The following ERBIN variants were observed in gnomAD, a reference collection of about 807,000 sequenced individuals.
ERBIN encodes densin-180-like protein.
A neutral mutation model predicts 158.4 loss-of-function variants in ERBIN; 60 were observed. That is an observed-to-expected ratio of 0.38 (90% CI 0.31 to 0.47). The LOEUF is 0.47. Ranked by LOEUF, ERBIN falls within the 20% of genes least tolerant of loss-of-function variation. ERBIN has a pLI of 0.99. For missense variants in ERBIN, 1,610 were observed against 1,648.0 expected (o/e 0.98, Z 0.40); for synonymous variants, 594 against 557.2 (o/e 1.07, Z -0.93).
intron 1 of ERBIN, among the ~76,000 whole-genome samples, chr5:65,986,228 C>G (rs1751217256): frequency 6.6e-6 from 1 of 152,212 alleles, no homozygotes; most frequent in Non-Finnish European, 1.5e-5. Flanking sequence ...TACTCAGTGT[C>G]CTACTCAGAT....
chr5:65,983,997 G>C lies in ERBIN; in HGVS notation c.-57-4638G>C, dbSNP rs61730943. ...CCCGGGAACCACTGTCCCCCAGCCA[G>C]CTGCCCTTCTCCCACCTGCTTCCCG... On this transcript the variant is annotated intron_variant, in intron 1 of 25. Coordinates refer to ENST00000284037, the MANE Select transcript of ERBIN (RefSeq NM_001253697.2). Among the ~76,000 whole-genome samples the C allele has an allele frequency of 1.2e-3, 182 of 152,314 alleles. 1 individual carries two copies. The highest frequency in any genetic ancestry group is 4.4e-3 in the African/African-American group (181 of 41,586).
At chr5:65,977,562 G>A (rs1289695486) in intron 1 of ERBIN, among the ~76,000 whole-genome samples, 1 of 151,298 alleles carries the variant, frequency 6.6e-6, no homozygotes, top group Non-Finnish European at 1.5e-5. Context: ...GACGATGGGC[G>A]GCCGGGCAGA....
In ERBIN at chr5:65,979,920, CAT is replaced by C. The variant is rs1750465443; in HGVS notation, c.-57-8713_-57-8712del. Among the ~76,000 whole-genome samples, 3 of 152,138 alleles carry C rather than the reference CAT, an allele frequency of 2.0e-5. No homozygotes were observed. In the South Asian group the frequency reaches 6.2e-4, roughly 31 times the overall value. ...CACAAAAGTTGGAAGTAAATATACA[CAT>C]ACTCTTTTATAGTACTTAGGTTATA... is the stretch of plus-strand genomic sequence containing the variant. On this transcript the variant is annotated intron_variant, in intron 1 of 25. Transcript: ENST00000284037.
intron 4 of ERBIN, among the ~76,000 whole-genome samples, chr5:66,001,828 G>C (rs1431678624): frequency 6.6e-6 from 1 of 151,762 alleles, no homozygotes; most frequent in Non-Finnish European, 1.5e-5. Context: ...TTAAGTTCTG[G>C]GATACATGTG....
Position 66,075,109 on chromosome 5 carries a change from T to C in ERBIN, c.3842T>C (p.Val1281Ala). ...SQIHHPPQAS[V>A]ARHPSREQLI... ...ATACATCACCCCCCTCAGGCATCTG[T>C]GGCAAGGCATCCCTCTAGAGAACAA... The change falls in exon 23 of 26, where the codon GTG becomes GCG. Residue 1281 changes from valine (V) to alanine (A), a missense_variant. Coordinates refer to ENST00000284037, the MANE Select transcript of ERBIN (RefSeq NM_001253697.2). The C allele has an allele frequency of 6.2e-7, 1 of 1,614,176 alleles. No individual in the cohort carries two copies. Among genetic ancestry groups the C allele is most frequent in the Non-Finnish European group, 8.5e-7 (1 of 1,180,012 alleles).
At chr5:65,997,526 T>C (rs1170648093) in intron 4 of ERBIN, among the ~76,000 whole-genome samples, 1 of 152,200 alleles carries the variant, frequency 6.6e-6, no homozygotes, top group East Asian at 1.9e-4. Context: ...AAATCAGCCC[T>C]TGAAATTTTT....
At position 66,025,492 on chromosome 5, in the gene ERBIN, A is replaced by C. The variant is rs74362544; in HGVS notation, c.830A>C (p.Asn277Thr). The C allele has an allele frequency of 2.8e-4, 457 of 1,611,868 alleles. 3 individuals carry two copies. The African/African-American group carries it at 5.6e-3, about 20-fold the overall frequency. ...CTTCCCTCATTAGGTTCGTTGAAGA[A>C]TATAACAACGCTTAAAATAGATGAA... ...QLPETIGSLK[N>T]ITTLKIDENQ... The change falls in exon 11 of 26, where the codon AAT becomes ACT. Residue 277 changes from asparagine to threonine, a missense_variant. Asn to Thr is a moderately conservative substitution (Grantham distance 65). This residue lies in a region of ERBIN where 596 missense variants were observed against 711.9 expected (regional missense o/e 0.84). Coordinates refer to ENST00000284037, the MANE Select transcript of ERBIN (RefSeq NM_001253697.2).
At position 66,075,097 on chromosome 5, in the gene ERBIN, C is replaced by G; in HGVS notation, c.3830C>G (p.Pro1277Arg). Residue 1277 changes from proline (P) to arginine (R), a missense_variant, in exon 23 of 26, where the codon CCT (proline) becomes CGT (arginine). Around this residue, in one of 2 missense-constraint regions of ERBIN, gnomAD observed 1,014 missense variants for 936.1 expected, o/e 1.08. Coordinates refer to ENST00000284037, the MANE Select transcript of ERBIN (RefSeq NM_001253697.2). ...AATTATAGTCAAATACATCACCCCCCTCAGGCATCTGTGGCAAGGCATCCC... is the reference window on the plus strand; with the variant it reads ...AATTATAGTCAAATACATCACCCCCGTCAGGCATCTGTGGCAAGGCATCCC... The part of the protein sequence containing the change: ...QANYSQIHHP[P>R]QASVARHPSR... The G allele has an allele frequency of 1.2e-6, 2 of 1,614,172 alleles. No homozygotes were observed. The highest frequency in any genetic ancestry group is 1.7e-6 in the Non-Finnish European group (2 of 1,180,026).
At chr5:65,961,634 A>G (rs755501859) in intron 1 of ERBIN, among the ~76,000 whole-genome samples, 69 of 152,194 alleles carry the variant, frequency 4.5e-4, no homozygotes, top group Non-Finnish European at 7.9e-4. Context: ...TTGGGAGTCT[A>G]ATAAAGAGCA....
intron 15 of ERBIN, among the ~76,000 whole-genome samples, chr5:66,040,372 T>G (rs368096992): frequency 2.5e-4 from 38 of 152,052 alleles, no homozygotes; most frequent in African/African-American, 8.9e-4. Flanking sequence ...TCCTTTCCTG[T>G]TTAATTTGAA....
At chr5:66,033,989 G>A (rs1210802017) in intron 14 of ERBIN, among the ~76,000 whole-genome samples, 1 of 151,848 alleles carries the variant, frequency 6.6e-6, no homozygotes, top group African/African-American at 2.4e-5. Flanking sequence ...TGTGCCTGTA[G>A]CCCCAGCTAC....
chr5:65,956,372 ATTT>A (rs1200098319), intron 1 of ERBIN, among the ~76,000 whole-genome samples: 4 of 121,604 alleles, frequency 3.3e-5, no homozygotes, highest in Admixed American at 8.7e-5. Flanking sequence ...CTTTCAGGTG[ATTT>A]TTTTTTTTTT....
At chr5:66,046,123 A>T (rs1580452798) in intron 17 of ERBIN, among the ~76,000 whole-genome samples, 1 of 152,194 alleles carries the variant, frequency 6.6e-6, no homozygotes, top group East Asian at 1.9e-4. Context: ...GAGGAAAGTA[A>T]CCTTGGCTAA....
At chr5:66,044,434 G>A (rs567169222) in intron 17 of ERBIN, 124 bp downstream of exon 17, 20 of 879,454 alleles carry the variant, frequency 2.3e-5, no homozygotes, top group Middle Eastern at 7.2e-4. Flanking sequence ...ATGATATTTC[G>A]GTCGACATGC....
At chr5:65,995,666 G>T (rs1752353341) in intron 4 of ERBIN, among the ~76,000 whole-genome samples, 1 of 152,040 alleles carries the variant, frequency 6.6e-6, no homozygotes. Flanking sequence ...TGGATCTTGT[G>T]GTAGTTCTGA....
Position 66,054,444 on chromosome 5 carries a change from C to T in ERBIN, c.3126C>T (p.Tyr1042=), listed in dbSNP as rs1759383287. 1 of 1,614,020 alleles carries T rather than the reference C, an allele frequency of 6.2e-7. No homozygotes were observed. The highest frequency in any genetic ancestry group is 1.3e-5 in the African/African-American group (1 of 74,922). The change falls in exon 21 of 26, where the codon TAC becomes TAT. Residue 1042 remains tyrosine (Y), a synonymous_variant. Coordinates refer to ENST00000284037, the MANE Select transcript of ERBIN (RefSeq NM_001253697.2). ...ACAATGTTCGAGCTAATACTGCATACCATTTACATCAGAGACTTGGCCCAG... is the reference window on the plus strand; with the variant it reads ...ACAATGTTCGAGCTAATACTGCATATCATTTACATCAGAGACTTGGCCCAG... ...NHNNVRANTA[Y]HLHQRLGPAR... is the part of the protein sequence containing the mutation.
chr5:66,018,476 T>TA (rs1718595286), intron 7 of ERBIN, among the ~76,000 whole-genome samples: 1 of 3,968 alleles, frequency 2.5e-4, no homozygotes, highest in African/African-American at 1.2e-3. Context: ...ATATATATTA[T>TA]ATATTATATA....
intron 15 of ERBIN, 138 bp from the exon 16 acceptor site, chr5:66,042,939 T>C (rs1359250966): frequency 1.6e-6 from 1 of 611,276 alleles, no homozygotes; most frequent in Non-Finnish European, 2.8e-6. Context: ...TTAGGATTTC[T>C]AATTTCTTGC....
intron 1 of ERBIN, among the ~76,000 whole-genome samples, chr5:65,972,249 A>T (rs1317534740): frequency 6.6e-6 from 1 of 152,300 alleles, no homozygotes; most frequent in East Asian, 1.9e-4. Flanking sequence ...CCATATGTAT[A>T]TAAGTGTTTT....
Sources: gnomAD v4.1 joint callset for allele counts (sites outside exome capture counted in the v4.1 genomes callset) on GRCh38, gnomAD v4.1.1 for gene constraint, gnomAD v4.1.1 regional missense constraint, MANE v1.5 for transcripts, NCBI Gene and HGNC (gene_info 2026-07-23, HGNC 2026-07-21) for gene names.